LRP4: variants seen among roughly 807,000 people sequenced by gnomAD.
LRP4 encodes low-density lipoprotein receptor-related protein 4.
LRP4 carries 95 observed loss-of-function variants against 220.3 expected under a neutral mutation model. That is an observed-to-expected ratio of 0.43 (90% CI 0.37 to 0.51). The LOEUF is 0.51. Ranked by LOEUF, LRP4 falls within the 20% of genes least tolerant of loss-of-function variation. LRP4 has a pLI of 0.00. For synonymous variants in LRP4, 903 were observed against 954.6 expected (o/e 0.95, Z 1.00); for missense variants, 1,925 against 2,567.0 (o/e 0.75, Z 5.40).
rs756180642 is a variant in LRP4 at position 46,899,918 on chromosome 11, A to T, written c.375T>A (p.Ser125Arg). 3.1e-6 allele frequency: 5 copies of T among 1,613,708 alleles called. No individual in the cohort carries two copies. The highest frequency in any genetic ancestry group is 4.2e-6 in the Non-Finnish European group (5 of 1,179,978). The change falls in exon 4 of 38, where the codon AGT becomes AGA. Residue 125 changes from serine to arginine, a missense_variant. Transcript: ENST00000378623. This position sits in a 1 kb window ranked among gnomAD's most constrained non-coding sequence, Gnocchi z 5.9. The stretch of plus-strand genomic sequence containing the variant: ...CATTGTCACCATCGCAGTGCCACAG[A>T]CTCCGGATGCAGTAGCCATTCTGGC... ...FPCQNGYCIR[S>R]LWHCDGDNDC...
intron 35 of LRP4, 101 bp from the exon 36 acceptor site, chr11:46,864,636 G>A: frequency 1.2e-6 from 1 of 811,266 alleles, no homozygotes; most frequent in East Asian, 2.5e-5. Context: ...GTAGGTGTTG[G>A]ACCCCATACC....
Position 46,873,937 on chromosome 11 carries a change from C to T in LRP4, c.4230-344G>A. ...GTGATGATAAGAAACGCAGATTTGT[C>T]AAAACCAACCTGTGCATTTTTTAAA... On this transcript the variant is annotated intron_variant, in intron 28 of 37. Coordinates refer to ENST00000378623, the MANE Select transcript of LRP4 (RefSeq NM_002334.4). The surrounding 1 kb of genome is among the most constrained non-coding windows in gnomAD (Gnocchi z 4.2). 1 of 308,764 alleles carries T rather than the reference C, an allele frequency of 3.2e-6. No individual in the cohort carries two copies. The highest frequency in any genetic ancestry group is 6.0e-6 in the Non-Finnish European group (1 of 167,878). 19.1% of individuals were successfully genotyped at this position (308,764 alleles called of 1,614,324 possible).
At position 46,899,539 on chromosome 11, in the gene LRP4, G is replaced by A. The variant is rs113571876; in HGVS notation, c.431-36C>T. On this transcript the variant is annotated intron_variant, in intron 4 of 37. Coordinates refer to ENST00000378623, the MANE Select transcript of LRP4 (RefSeq NM_002334.4). This position sits in a 1 kb window ranked among gnomAD's most constrained non-coding sequence, Gnocchi z 5.9. ...GCGATGGGACAGCAGTTCTGAGGGG[G>A]CCCCACAGGCAACCCTCTCACCCTC... 24 of 1,422,500 alleles carry A rather than the reference G, an allele frequency of 1.7e-5. No homozygotes were observed. Among genetic ancestry groups the A allele is most frequent in the Middle Eastern group, 3.7e-4 (2 of 5,352 alleles). The allele number at this position is 1,422,500 out of a possible 1,614,324, so 88.1% of individuals were successfully genotyped here.
chr11:46,886,068 G>C (rs368439888), intron 18 of LRP4, 23 bp downstream of exon 18: 38 of 1,597,398 alleles, frequency 2.4e-5, no homozygotes, highest in Non-Finnish European at 3.3e-5. Context: ...GAGCCAGGCA[G>C]GCCACGGCTC....
At chr11:46,913,314 G>A (rs1055870091) in intron 1 of LRP4, among the ~76,000 whole-genome samples, 1 of 152,212 alleles carries the variant, frequency 6.6e-6, no homozygotes, top group Admixed American at 6.5e-5. Flanking sequence ...CAGGAAGCTA[G>A]AGAATTGGCT....
At position 46,894,777 on chromosome 11, in the gene LRP4, C is replaced by T. The variant is rs556043090; in HGVS notation, c.1352G>A (p.Arg451Gln). The T allele has an allele frequency of 3.7e-6, 6 of 1,614,194 alleles. No homozygotes were observed. The highest frequency in any genetic ancestry group is 1.3e-5 in the African/African-American group (1 of 75,050). Residue 451 changes from arginine to glutamine, a missense_variant, in exon 12 of 38, where the codon CGG (arginine) becomes CAG (glutamine). Physicochemically the swap from Arg to Gln is conservative, Grantham distance 43 (BLOSUM62 1). Transcript: ENST00000378623. Reference protein sequence around the residue: ...VLLFANRIDIRQVLPHRSEYT... With the variant: ...VLLFANRIDIQQVLPHRSEYT... The stretch of plus-strand genomic sequence containing the variant: ...CTCAGAGCGGTGTGGCAGCACCTGC[C>T]GGATGTCGATGCGATTGGCGAACAG...
intron 10 of LRP4, among the ~76,000 whole-genome samples, chr11:46,895,637 G>C (rs1445816289): frequency 6.6e-6 from 1 of 152,182 alleles, no homozygotes; most frequent in African/African-American, 2.4e-5. Flanking sequence ...TTAAGGTCAT[G>C]CAGACCTGGG....
intron 31 of LRP4, among the ~76,000 whole-genome samples, chr11:46,871,249 G>A (rs1055835002): frequency 6.6e-6 from 1 of 152,126 alleles, no homozygotes; most frequent in East Asian, 1.9e-4. Context: ...CAGGGCCTAG[G>A]AACCTGCATT....
Position 46,896,265 on chromosome 11 carries a change from G to A in LRP4, c.993C>T (p.Cys331=). ...TGTCACCACAGTCGTTGACCCCGTT[G>A]CACAGCTTCCTCTGCCCAATGCAGC... ...NGRCIGQRKL[C]NGVNDCGDNS... Residue 331 remains cysteine, a synonymous_variant, in exon 9 of 38, where the codon TGC becomes TGT. Transcript: ENST00000378623. 1 of 1,614,170 alleles carries A rather than the reference G, an allele frequency of 6.2e-7. No individual in the cohort carries two copies. The highest frequency in any genetic ancestry group is 2.2e-5 in the East Asian group (1 of 44,876).
At chr11:46,876,964 G>A (rs761544427) in intron 23 of LRP4, 134 bp from the exon 24 acceptor site, 12 of 883,236 alleles carry the variant, frequency 1.4e-5, no homozygotes, top group East Asian at 2.5e-5. Flanking sequence ...CAAGGAAAAC[G>A]CAGAAATATC....
intron 1 of LRP4, among the ~76,000 whole-genome samples, chr11:46,905,473 T>C (rs1478622023): frequency 2.0e-5 from 3 of 152,214 alleles, no homozygotes; most frequent in Non-Finnish European, 4.4e-5. Context: ...CATTTAGCAA[T>C]GTTTGGAGAC....
chr11:46,899,546 A>C lies in LRP4; in HGVS notation c.431-43T>G. 1.5e-6 allele frequency: 2 copies of C among 1,363,492 alleles called. No homozygotes were observed. Among genetic ancestry groups the C allele is most frequent in the Non-Finnish European group, 2.1e-6 (2 of 957,488 alleles). 84.5% of individuals were successfully genotyped at this position (1,363,492 alleles called of 1,614,324 possible). On this transcript the variant is annotated intron_variant, in intron 4 of 37. Coordinates refer to ENST00000378623, the MANE Select transcript of LRP4 (RefSeq NM_002334.4). The surrounding 1 kb of genome is among the most constrained non-coding windows in gnomAD (Gnocchi z 5.9). Reference sequence around the variant, plus strand: ...GACAGCAGTTCTGAGGGGGCCCCACAGGCAACCCTCTCACCCTCCTCTCTG... The same window carrying C: ...GACAGCAGTTCTGAGGGGGCCCCACCGGCAACCCTCTCACCCTCCTCTCTG...
chr11:46,875,923 G>A lies in LRP4; in HGVS notation c.3580C>T (p.Arg1194Trp), dbSNP rs746573834. The A allele has an allele frequency of 1.1e-5, 17 of 1,613,940 alleles. No homozygotes were observed. In the East Asian group the frequency reaches 2.7e-4, roughly 25 times the overall value. The stretch of plus-strand genomic sequence containing the variant: ...CGGTCTGAGCCATCCATTCCGGACC[G>A]CTCTAACTTGGCATTCTCCCCCCAG... ...TDWGENAKLE[R>W]SGMDGSDRAV... Residue 1194 changes from arginine (R) to tryptophan (W), a missense_variant, in exon 26 of 38, where the codon CGG becomes TGG. By Grantham distance (101) the Arg-to-Trp change is moderately radical (BLOSUM62 -3). This residue lies in a region of LRP4 where 1,244 missense variants were observed against 1,624.9 expected (regional missense o/e 0.77). Coordinates refer to ENST00000378623, the MANE Select transcript of LRP4 (RefSeq NM_002334.4). This position sits in a 1 kb window ranked among gnomAD's most constrained non-coding sequence, Gnocchi z 4.5.
chr11:46,896,966 G>C lies in LRP4; in HGVS notation c.825C>G (p.Phe275Leu). Residue 275 changes from phenylalanine (F) to leucine (L), a missense_variant, in exon 8 of 38, where the codon TTC becomes TTG. Coordinates refer to ENST00000378623, the MANE Select transcript of LRP4 (RefSeq NM_002334.4). Reference protein sequence around the residue: ...CTTSMCTAEQFRCHSGRCVRL... With the variant: ...CTTSMCTAEQLRCHSGRCVRL... Reference sequence around the variant, plus strand: ...GGACACAGCGGCCTGAGTGACAGCGGAACTGTTCTGCCGTACACATGGAGG... The same window carrying C: ...GGACACAGCGGCCTGAGTGACAGCGCAACTGTTCTGCCGTACACATGGAGG... 1 of 1,614,210 alleles carries C rather than the reference G, an allele frequency of 6.2e-7. No homozygotes were observed. Among genetic ancestry groups the C allele is most frequent in the Non-Finnish European group, 8.5e-7 (1 of 1,180,030 alleles).
rs375108263 is a variant in LRP4 at position 46,896,325 on chromosome 11, T to C, written c.933A>G (p.Gln311=). 42 of 1,613,678 alleles carry C rather than the reference T, an allele frequency of 2.6e-5. 1 individual carries two copies. The highest frequency in any genetic ancestry group is 1.2e-4 in the African/African-American group (9 of 74,914). The part of the protein sequence containing the change: ...EENCENTGSP[Q]CALDQFLCWN... ...AACACAGGAACTGGTCCAAGGCACA[T>C]TGGGGGCTTCCTAGAGAGATGGAGG... Residue 311 remains glutamine, a synonymous_variant, in exon 9 of 38, where the codon CAA becomes CAG. Coordinates refer to ENST00000378623, the MANE Select transcript of LRP4 (RefSeq NM_002334.4).
intron 22 of LRP4, 34 bp from the exon 23 acceptor site, chr11:46,877,373 G>A (rs752594214): frequency 2.7e-5 from 43 of 1,612,848 alleles, no homozygotes; most frequent in Admixed American, 8.3e-5. Flanking sequence ...AGGATCACTC[G>A]AGCACAGCCA....
At chr11:46,887,491 G>T (rs765220534) in intron 16 of LRP4, among the ~76,000 whole-genome samples, 2 of 151,992 alleles carry the variant, frequency 1.3e-5, no homozygotes, top group Admixed American at 6.6e-5. Context: ...TTGGGCTCAG[G>T]AGTTTGAGAC....
At chr11:46,869,650 A>G (rs1940806745) in intron 31 of LRP4, among the ~76,000 whole-genome samples, 1 of 152,004 alleles carries the variant, frequency 6.6e-6, no homozygotes, top group Admixed American at 6.5e-5. Flanking sequence ...ATTCTCAATC[A>G]AGGGGAGGGA....
In LRP4 at chr11:46,894,606, G is replaced by A; in HGVS notation, c.1523C>T (p.Thr508Ile). Residue 508 changes from threonine (T) to isoleucine (I), a missense_variant, in exon 12 of 38, where the codon ACT becomes ATT. Physicochemically the swap from Thr to Ile is moderately conservative, Grantham distance 89. Coordinates refer to ENST00000378623, the MANE Select transcript of LRP4 (RefSeq NM_002334.4). Reference sequence around the variant, plus strand: ...TTCCCTACCTGGGCTCTCCAGCCCAGTAGACACAACCTCCTCCACGTTGCT... The same window carrying A: ...TTCCCTACCTGGGCTCTCCAGCCCAATAGACACAACCTCCTCCACGTTGCT... ...NGSNVEEVVS[T>I]GLESPGGLAV... 1 of 1,608,974 alleles carries A rather than the reference G, an allele frequency of 6.2e-7. No individual in the cohort carries two copies. The highest frequency in any genetic ancestry group is 8.5e-7 in the Non-Finnish European group (1 of 1,177,434).
Sources: allele counts gnomAD v4.1 joint callset (sites outside exome capture counted in the v4.1 genomes callset), GRCh38; gene constraint gnomAD v4.1.1; regional missense constraint gnomAD v4.1.1; non-coding constraint Gnocchi (gnomAD v3.1); transcripts MANE v1.5; gene names NCBI Gene and HGNC (gene_info 2026-07-23, HGNC 2026-07-21).